ACCS: variants seen among roughly 807,000 people sequenced by gnomAD.
ACCS encodes 1-aminocyclopropane-1-carboxylate synthase homolog (inactive).
In ACCS, 42 loss-of-function variants were observed where a neutral mutation model predicts 59.8. The ratio of observed to expected loss-of-function variants is 0.70; its 90% CI spans 0.55 to 0.91. The LOEUF (loss-of-function observed/expected upper bound fraction) is 0.91, where lower values mean the gene tolerates loss of function less well. Among genes scored for constraint, ACCS ranks in the 40% least tolerant of loss-of-function variants. ACCS has a pLI of 0.00. For synonymous variants in ACCS, 230 were observed against 240.3 expected, an observed-to-expected ratio of 0.96 and a Z score of 0.40; for missense variants, 602 against 630.4, an observed-to-expected ratio of 0.95 and a Z score of 0.48.
At chr11:44,069,517 A>C (rs994950767) in intron 2 of ACCS, among the ~76,000 whole-genome samples, 2 of 152,118 alleles carry the variant, frequency 1.3e-5, no homozygotes, top group Non-Finnish European at 2.9e-5. Flanking sequence ...GCGCCTGGCC[A>C]AGCCACCGTG....
intron 2 of ACCS, among the ~76,000 whole-genome samples, chr11:44,069,282 T>C (rs178516): frequency 0.64 from 96,932 of 151,594 alleles, 31,858 homozygotes; most frequent in African/African-American, 0.8. Flanking sequence ...TGCAGTGGCA[T>C]GATCTCGGAT....
chr11:44,073,754 G>A (rs1366616566), intron 4 of ACCS, among the ~76,000 whole-genome samples: 1 of 152,176 alleles, frequency 6.6e-6, no homozygotes, highest in African/African-American at 2.4e-5. Context: ...GGCGACTATG[G>A]GGTCTCCTGC....
intron 2 of ACCS, among the ~76,000 whole-genome samples, chr11:44,068,118 A>G (rs939908478): frequency 3.9e-5 from 6 of 152,050 alleles, no homozygotes; most frequent in Non-Finnish European, 5.9e-5. Context: ...AATATAGGGG[A>G]CCTTGATTTC....
rs202091203 is a variant in ACCS at position 44,074,734 on chromosome 11, C to CTCTTTCTTTCTTTCTT, written c.489+79_489+94dup. On this transcript the variant is annotated intron_variant, in intron 5 of 14. Coordinates refer to ENST00000263776, the MANE Select transcript of ACCS (RefSeq NM_032592.4). The stretch of plus-strand genomic sequence containing the variant: ...CTGTTCTCCTGCCTCCCCTCTCCAT[C>CTCTTTCTTTCTTTCTT]TCTTTCTTTCTTTCTTTCTTTCTTT... 2.4e-3 allele frequency: 1,326 copies of CTCTTTCTTTCTTTCTT among 548,012 alleles called. 157 individuals are homozygous for CTCTTTCTTTCTTTCTT. The highest frequency in any genetic ancestry group is 5.3e-3 in the African/African-American group (144 of 27,090). 33.9% of individuals were successfully genotyped at this position (548,012 alleles called of 1,614,324 possible). A position where few individuals can be genotyped will look rare whatever the true frequency, so the allele number is the denominator to read the frequency against.
rs374898983 is a variant in ACCS at position 44,074,558 on chromosome 11, G to T, written c.420-54G>T. Reference sequence around the variant, plus strand: ...GGATTCACCAGAGGAGCTTCAGGATGCACCGTGGGTTGGGGACCATCTGGC... The same window carrying T: ...GGATTCACCAGAGGAGCTTCAGGATTCACCGTGGGTTGGGGACCATCTGGC... On this transcript the variant is annotated intron_variant, in intron 4 of 14. Transcript: ENST00000263776. The T allele has an allele frequency of 2.2e-6, 3 of 1,374,544 alleles. No homozygotes were observed. In the African/African-American group the frequency reaches 4.3e-5, roughly 20 times the overall value. 85.1% of individuals were successfully genotyped at this position (1,374,544 alleles called of 1,614,324 possible).
chr11:44,080,695 C>T (rs2134892084), intron 10 of ACCS: 1 of 415,748 alleles, frequency 2.4e-6, no homozygotes, highest in South Asian at 2.5e-5. Flanking sequence ...GTTTAGGGTA[C>T]CTGATTGGCC....
rs1953409850 is a variant in ACCS at position 44,077,229 on chromosome 11, G to A, written c.557-50G>A. 5 of 1,588,130 alleles carry A rather than the reference G, an allele frequency of 3.1e-6. No homozygotes were observed. In the Admixed American group the frequency reaches 5.1e-5, roughly 16 times the overall value. On this transcript the variant is annotated intron_variant, in intron 6 of 14. Coordinates refer to ENST00000263776, the MANE Select transcript of ACCS (RefSeq NM_032592.4). ...ACTGGGGACAGTGGACAGAGGGTCTGGGGTGTTCTGGCCAGAAAGTGACAG... is the reference window on the plus strand; with the variant it reads ...ACTGGGGACAGTGGACAGAGGGTCTAGGGTGTTCTGGCCAGAAAGTGACAG...
At chr11:44,075,959 C>T (rs910401093) in intron 6 of ACCS, 22 of 197,482 alleles carry the variant, frequency 1.1e-4, no homozygotes, top group Non-Finnish European at 1.8e-4. Flanking sequence ...CCAGAAGAGG[C>T]CCACTTCTAT....
chr11:44,081,037 G>T lies in ACCS; in HGVS notation c.941G>T (p.Arg314Met). Residue 314 changes from arginine to methionine, a missense_variant, in exon 11 of 15, where the codon AGG becomes ATG. By Grantham distance (91) the Arg-to-Met change is moderately conservative. Transcript: ENST00000263776. ...CTCTGCAGGCTCCCTGACCCCCAGA[G>T]GACCCATGTGATGTGGGCAACCAGC... The part of the protein sequence containing the change: ...LSLERLPDPQ[R>M]THVMWATSKD... 6.2e-7 allele frequency: 1 copy of T among 1,614,190 alleles called. No individual in the cohort carries two copies. Among genetic ancestry groups the T allele is most frequent in the South Asian group, 1.1e-5 (1 of 91,078 alleles).
intron 12 of ACCS, 60 bp from the exon 13 acceptor site, chr11:44,083,109 A>G: frequency 6.3e-7 from 1 of 1,592,886 alleles, no homozygotes; most frequent in Non-Finnish European, 8.6e-7. Flanking sequence ...CATTTAGACT[A>G]GTGGGACCAA....
Position 44,081,891 on chromosome 11 carries a change from C to T in ACCS, c.1111+571C>T, listed in dbSNP as rs533187597. ...AGGAAAATTGTTTTAAAGGAAGTAT[C>T]TCTCTTGCTGTGAATCTATTCTGTT... On this transcript the variant is annotated intron_variant, in intron 12 of 14. Transcript: ENST00000263776. Among the ~76,000 whole-genome samples, 11 of 152,274 alleles carry T rather than the reference C, an allele frequency of 7.2e-5. No individual in the cohort carries two copies. In the South Asian group the frequency reaches 1.7e-3, roughly 23 times the overall value.
intron 12 of ACCS, among the ~76,000 whole-genome samples, 189 bp from the exon 13 acceptor site, chr11:44,082,980 A>G (rs1325424917): frequency 6.6e-6 from 1 of 152,140 alleles, no homozygotes; most frequent in Non-Finnish European, 1.5e-5. Flanking sequence ...GGTGCTTTAC[A>G]TTGAACACTG....
chr11:44,071,353 C>G (rs754580610), intron 3 of ACCS, 38 bp downstream of exon 3: 10 of 1,605,912 alleles, frequency 6.2e-6, no homozygotes, highest in Non-Finnish European at 8.5e-6. Flanking sequence ...ATCACCAGCT[C>G]CGAGGAGCTG....
intron 5 of ACCS, 100 bp downstream of exon 5, chr11:44,074,781 T>G: frequency 2.4e-6 from 1 of 415,222 alleles, no homozygotes; most frequent in Non-Finnish European, 3.7e-6. Context: ...TCTTTTTCTC[T>G]CTCTCTCTCT....
At chr11:44,071,140 A>C in intron 2 of ACCS, 116 bp from the exon 3 acceptor site, 1 of 1,026,866 alleles carries the variant, frequency 9.7e-7, no homozygotes, top group South Asian at 1.4e-5. Flanking sequence ...GGGATGTTTG[A>C]AAGGGTGGGA....
rs977334612 is a variant in ACCS at position 44,083,437 on chromosome 11, G to A, written c.1268G>A (p.Gly423Asp). Residue 423 changes from glycine to aspartate, a missense_variant, in exon 14 of 15, where the codon GGC becomes GAC. By Grantham distance (94) the Gly-to-Asp change is moderately conservative (BLOSUM62 -1). Coordinates refer to ENST00000263776, the MANE Select transcript of ACCS (RefSeq NM_032592.4). ...WVDLRKYLPK[G>D]TFEEEMLLWR... ...CCACCCTCTCAGTACCTGCCCAAGGGCACCTTTGAGGAGGAAATGCTGCTC... is the reference window on the plus strand; with the variant it reads ...CCACCCTCTCAGTACCTGCCCAAGGACACCTTTGAGGAGGAAATGCTGCTC... The A allele has an allele frequency of 6.2e-7, 1 of 1,614,042 alleles. No individual in the cohort carries two copies. The highest frequency in any genetic ancestry group is 1.3e-5 in the African/African-American group (1 of 74,936).
At chr11:44,069,102 A>G (rs75098252) in intron 2 of ACCS, among the ~76,000 whole-genome samples, 6,043 of 152,298 alleles carry the variant, frequency 0.04, 417 homozygotes, top group African/African-American at 0.14. Context: ...GGATTGTGTT[A>G]GTTATCTATT....
At chr11:44,079,666 A>G (rs1398690611) in intron 10 of ACCS, 46 bp downstream of exon 10, 3 of 1,546,996 alleles carry the variant, frequency 1.9e-6, no homozygotes, top group African/African-American at 2.7e-5. Context: ...CTATTATCCC[A>G]CGGAGCCCTG....
chr11:44,070,840 A>C (rs1953014443), intron 2 of ACCS, among the ~76,000 whole-genome samples: 1 of 152,094 alleles, frequency 6.6e-6, no homozygotes, highest in Non-Finnish European at 1.5e-5. Flanking sequence ...AGTCCCACTA[A>C]ACCCCTCGAG....
Sources: allele counts gnomAD v4.1 joint callset (sites outside exome capture counted in the v4.1 genomes callset), GRCh38; gene constraint gnomAD v4.1.1; transcripts MANE v1.5; gene names NCBI Gene and HGNC (gene_info 2026-07-23, HGNC 2026-07-21).